KIF16B: variants seen among roughly 807,000 people sequenced by gnomAD.
KIF16B encodes the protein kinesin-like protein KIF16B.
KIF16B carries 98 observed loss-of-function variants against 156.3 expected under a neutral mutation model. The observed-to-expected ratio is 0.63, with a 90% confidence interval of 0.53 to 0.74. KIF16B has a LOEUF of 0.74. Among genes scored for constraint, KIF16B ranks in the 30% least tolerant of loss-of-function variants. The probability of loss-of-function intolerance (pLI) is 0.00; values close to 1 mark genes in which losing one functional copy is unlikely to be tolerated. For synonymous variants in KIF16B, 564 were observed against 583.7 expected (o/e 0.97, Z 0.49); for missense variants, 1,421 against 1,606.5 (o/e 0.88, Z 1.97).
At chr20:16,371,625 C>G (rs117044767) in intron 21 of KIF16B, 40 bp downstream of exon 21, 1 of 1,156,738 alleles carries the variant, frequency 8.6e-7, no homozygotes, top group East Asian at 2.4e-5. Context: ...GAAAGATGAA[C>G]GAACTTGTTA....
At chr20:16,321,882 T>C (rs760034351) in intron 24 of KIF16B, among the ~76,000 whole-genome samples, 6 of 151,976 alleles carry the variant, frequency 3.9e-5, no homozygotes, top group African/African-American at 7.2e-5. Context: ...TGCAAAGATA[T>C]TTGAGCTCTT....
At chr20:16,358,858 C>T (rs1568882616) in intron 22 of KIF16B, among the ~76,000 whole-genome samples, 1 of 152,208 alleles carries the variant, frequency 6.6e-6, no homozygotes, top group Non-Finnish European at 1.5e-5. Flanking sequence ...TTTCTAAATG[C>T]CTTTTCTTTT....
At chr20:16,440,529 GCGCGCACACACA>G (rs2066763675) in intron 12 of KIF16B, among the ~76,000 whole-genome samples, 1 of 81,812 alleles carries the variant, frequency 1.2e-5, no homozygotes, top group African/African-American at 5.3e-5. Context: ...ACACACAAGC[GCGCGCACACACA>G]CACACACACA....
chr20:16,304,734 G>A (rs2063518470), intron 25 of KIF16B, among the ~76,000 whole-genome samples: 3 of 152,006 alleles, frequency 2.0e-5, no homozygotes, highest in Admixed American at 2.0e-4. Flanking sequence ...CTTTCCAATA[G>A]GTAAATGACT....
Position 16,273,386 on chromosome 20 carries a change from A to T in KIF16B, c.3821T>A (p.Val1274Glu). Reference sequence around the variant, plus strand: ...GGGAGATGTTGCGGACTGGAGCATCACGCTGAAAAAGTCCCTGAGGTATTT... The same window carrying T: ...GGGAGATGTTGCGGACTGGAGCATCTCGCTGAAAAAGTCCCTGAGGTATTT... The part of the protein sequence containing the change: ...LEKYLRDFFS[V>E]MLQSATSPLH... The change falls in exon 26 of 26, where the codon GTG (valine) becomes GAG (glutamate). Residue 1274 changes from valine to glutamate, a missense_variant. Physicochemically the swap from Val to Glu is moderately radical, Grantham distance 121. Transcript: ENST00000354981. The T allele has an allele frequency of 6.2e-7, 1 of 1,614,158 alleles. No individual in the cohort carries two copies. The highest frequency in any genetic ancestry group is 8.5e-7 in the Non-Finnish European group (1 of 1,180,006).
rs562876492 is a variant in KIF16B, at chr20:16,422,409, A to G, written c.1612+4695T>C. 2.6e-5 allele frequency among the ~76,000 whole-genome samples: 4 copies of G among 152,226 alleles called. No individual in the cohort carries two copies. In the East Asian group the frequency reaches 7.8e-4, roughly 30 times the overall value. On this transcript the variant is annotated intron_variant, in intron 15 of 25. Transcript: ENST00000354981. The stretch of plus-strand genomic sequence containing the variant: ...AAATCCACAAGAGACTATTTTACCT[A>G]TAACACGGCAGGAACATTGCTGGTC...
intron 15 of KIF16B, among the ~76,000 whole-genome samples, chr20:16,415,419 A>C (rs1021294778): frequency 1.3e-5 from 2 of 151,960 alleles, no homozygotes; most frequent in African/African-American, 2.4e-5. Flanking sequence ...TCAGCTCCCA[A>C]AGTCTTTTAC....
At chr20:16,522,936 CAT>C (rs1222093590) in intron 3 of KIF16B, among the ~76,000 whole-genome samples, 14 of 152,128 alleles carry the variant, frequency 9.2e-5, no homozygotes, top group Non-Finnish European at 1.9e-4. Context: ...ACAAAAACCA[CAT>C]GATTATCTCA....
At chr20:16,325,813 T>C (rs972216309) in intron 24 of KIF16B, among the ~76,000 whole-genome samples, 2 of 151,944 alleles carry the variant, frequency 1.3e-5, no homozygotes, top group South Asian at 2.1e-4. Context: ...AAAATTCCTA[T>C]GGAACCAAAA....
intron 12 of KIF16B, among the ~76,000 whole-genome samples, chr20:16,483,530 G>A (rs977341841): frequency 3.9e-5 from 6 of 152,156 alleles, no homozygotes; most frequent in African/African-American, 1.2e-4. Flanking sequence ...GATAGATTCA[G>A]AGTAAACAAA....
At chr20:16,377,719 T>C (rs2064988620) in intron 19 of KIF16B, among the ~76,000 whole-genome samples, 2 of 152,278 alleles carry the variant, frequency 1.3e-5, no homozygotes, top group South Asian at 2.1e-4. Flanking sequence ...AGTCTCCAAA[T>C]TGGGTGATGT....
intron 25 of KIF16B, among the ~76,000 whole-genome samples, chr20:16,307,352 C>A (rs1018246341): frequency 6.6e-6 from 1 of 152,096 alleles, no homozygotes; most frequent in African/African-American, 2.4e-5. Context: ...ACAGAAAACT[C>A]ATTAACTTGG....
At chr20:16,511,378 G>T (rs1427656612) in intron 6 of KIF16B, 40 bp downstream of exon 6, 2 of 1,091,202 alleles carry the variant, frequency 1.8e-6, no homozygotes, top group Non-Finnish European at 2.7e-6. Context: ...TTTTTACATA[G>T]ATCACAAAAA....
At chr20:16,472,114 A>C (rs886983269) in intron 12 of KIF16B, among the ~76,000 whole-genome samples, 20 of 152,104 alleles carry the variant, frequency 1.3e-4, no homozygotes, top group Admixed American at 2.6e-4. Flanking sequence ...CGAGGGTAGC[A>C]CTCTGCTGCT....
At chr20:16,419,735 T>C (rs576215380) in intron 15 of KIF16B, among the ~76,000 whole-genome samples, 3 of 152,176 alleles carry the variant, frequency 2.0e-5, no homozygotes, top group Admixed American at 2.0e-4. Context: ...AATAACATAT[T>C]ACAGTCAAAA....
chr20:16,296,565 T>C (rs370884814), intron 25 of KIF16B, among the ~76,000 whole-genome samples: 52 of 152,344 alleles, frequency 3.4e-4, no homozygotes, highest in African/African-American at 1.1e-3. Flanking sequence ...ATCCCTGTTA[T>C]GTATTTGCCA....
chr20:16,537,897 T>C (rs2070041454), intron 1 of KIF16B, among the ~76,000 whole-genome samples: 1 of 151,356 alleles, frequency 6.6e-6, no homozygotes, highest in East Asian at 1.9e-4. Context: ...AGAGACGGGG[T>C]TTCTCCATGT....
At chr20:16,357,198 A>G (rs745501018) in intron 22 of KIF16B, among the ~76,000 whole-genome samples, 6 of 152,260 alleles carry the variant, frequency 3.9e-5, no homozygotes, top group Non-Finnish European at 7.3e-5. Flanking sequence ...TTGAAGTAAT[A>G]GCAATAACAA....
intron 1 of KIF16B, among the ~76,000 whole-genome samples, chr20:16,541,902 AG>A (rs1231834824): frequency 6.6e-6 from 1 of 152,212 alleles, no homozygotes; most frequent in East Asian, 1.9e-4. Flanking sequence ...TTGAGCAATC[AG>A]GGACTGTGGG....
Sources: allele counts gnomAD v4.1 joint callset (sites outside exome capture counted in the v4.1 genomes callset), GRCh38; gene constraint gnomAD v4.1.1; transcripts MANE v1.5; gene names NCBI Gene and HGNC (gene_info 2026-07-23, HGNC 2026-07-21).